Variants in DAB1 observed in about 807,000 individuals in gnomAD.
DAB1 encodes the protein DAB adaptor protein 1.
In DAB1, 15 loss-of-function variants were observed where a neutral mutation model predicts 64.6. That is an observed-to-expected ratio of 0.23 (90% CI 0.16 to 0.36). The LOEUF (loss-of-function observed/expected upper bound fraction) is 0.36, where lower values mean the gene tolerates loss of function less well. DAB1 is among the 10% of genes least tolerant of loss of function. DAB1 has a pLI of 1.00. For synonymous variants in DAB1, 235 were observed against 251.9 expected, an observed-to-expected ratio of 0.93 and a Z score of 0.64; for missense variants, 596 against 706.7, an observed-to-expected ratio of 0.84 and a Z score of 1.78.
At chr1:58,088,181 T>C (rs1650434424) in intron 5 of DAB1, among the ~76,000 whole-genome samples, 2 of 152,212 alleles carry the variant, frequency 1.3e-5, no homozygotes, top group Non-Finnish European at 2.9e-5. Flanking sequence ...AGGATTCCAG[T>C]TTCTCCCCAA....
At chr1:58,158,304 A>G (rs1027440085) in intron 4 of DAB1, among the ~76,000 whole-genome samples, 13 of 152,116 alleles carry the variant, frequency 8.5e-5, no homozygotes, top group African/African-American at 2.9e-4. Context: ...CCCAGGGGGG[A>G]AAGGCATGAA....
intron 6 of DAB1, among the ~76,000 whole-genome samples, chr1:57,748,692 A>G (rs1648401740): frequency 6.6e-6 from 1 of 152,140 alleles, no homozygotes. Flanking sequence ...GTGAGCCCCT[A>G]CCACCTTAGG....
At chr1:58,257,209 A>G (rs1051097133) in intron 4 of DAB1, among the ~76,000 whole-genome samples, 4 of 152,324 alleles carry the variant, frequency 2.6e-5, no homozygotes, top group Middle Eastern at 3.4e-3. Flanking sequence ...AAAATCTCCA[A>G]CCAAGCTGCA....
At chr1:57,790,519 C>A (rs12568292) in intron 6 of DAB1, among the ~76,000 whole-genome samples, 57,948 of 151,840 alleles carry the variant, frequency 0.38, 11,437 homozygotes, top group South Asian at 0.49. Flanking sequence ...TCCTCCAACC[C>A]CCAATATCAG....
chr1:58,070,353 T>C (rs1649155845), intron 5 of DAB1, among the ~76,000 whole-genome samples: 1 of 152,196 alleles, frequency 6.6e-6, no homozygotes, highest in African/African-American at 2.4e-5. Context: ...CTGGCAAAGA[T>C]GTCACACAGT....
intron 5 of DAB1, among the ~76,000 whole-genome samples, chr1:57,985,171 G>A (rs1346172285): frequency 6.6e-6 from 1 of 152,206 alleles, no homozygotes; most frequent in Admixed American, 6.5e-5. Flanking sequence ...GCCTCCCAAA[G>A]TGCTGGGGTC....
In DAB1 at chr1:58,518,296, A is replaced by G. The variant is rs1440874132; in HGVS notation, n.107+8965T>C. ...AGGAGAGGAGAAGAGAAGAGAAGAG[A>G]AGAGAAGAGAAGAGAAGAGAAGAGA... On this transcript the variant is annotated intron_variant and non_coding_transcript_variant, in intron 2 of 20. Transcript: ENST00000485760. 1.0e-3 allele frequency among the ~76,000 whole-genome samples: 46 copies of G among 46,152 alleles called. 1 individual carries two copies. The highest frequency in any genetic ancestry group is 0.023 in the Middle Eastern group (2 of 88). 30.3% of individuals were successfully genotyped at this position (46,152 alleles called of 152,430 possible).
chr1:57,259,857 C>T (rs933154978), intron 2 of DAB1, among the ~76,000 whole-genome samples: 1 of 152,144 alleles, frequency 6.6e-6, no homozygotes, highest in African/African-American at 2.4e-5. Flanking sequence ...TCACAGCTTT[C>T]CAGATAATTG....
intron 3 of DAB1, among the ~76,000 whole-genome samples, chr1:58,366,364 T>A (rs575856375): frequency 6.6e-6 from 1 of 152,288 alleles, no homozygotes; most frequent in South Asian, 2.1e-4. Context: ...GACTAAGGGA[T>A]CCACTAGTTA....
chr1:57,449,916 T>C (rs545736752), intron 7 of DAB1, among the ~76,000 whole-genome samples: 1 of 152,334 alleles, frequency 6.6e-6, no homozygotes, highest in East Asian at 1.9e-4. Context: ...ATTAACTATA[T>C]AGCAGGCTCT....
chr1:58,465,146 A>C (rs1258827613), intron 3 of DAB1, among the ~76,000 whole-genome samples: 1 of 152,246 alleles, frequency 6.6e-6, no homozygotes, highest in African/African-American at 2.4e-5. Context: ...GGACAGGTGC[A>C]GTCCATCAGA....
chr1:58,168,029 G>A (rs982521792), intron 4 of DAB1, among the ~76,000 whole-genome samples: 2 of 152,130 alleles, frequency 1.3e-5, no homozygotes, highest in Non-Finnish European at 1.5e-5. Context: ...ATCGACTATC[G>A]CCAAGTGGTG....
intron 1 of DAB1, among the ~76,000 whole-genome samples, chr1:57,843,374 C>G (rs1653139769): frequency 6.6e-6 from 1 of 152,156 alleles, no homozygotes; most frequent in Admixed American, 6.5e-5. Context: ...TGGTTATTAT[C>G]TAGTTGGGTG....
intron 1 of DAB1, chr1:58,530,629 C>T (rs775812966): frequency 1.1e-6 from 1 of 872,692 alleles, no homozygotes; most frequent in Non-Finnish European, 2.0e-6. Flanking sequence ...TATCCACTGG[C>T]ACAAAAGTGC....
chr1:57,356,769 A>G (rs937661457), intron 1 of DAB1, among the ~76,000 whole-genome samples: 1 of 151,918 alleles, frequency 6.6e-6, no homozygotes, highest in African/African-American at 2.4e-5. Context: ...TCTTTGGGGG[A>G]CTGATACCAT....
intron 6 of DAB1, among the ~76,000 whole-genome samples, chr1:57,692,519 G>C (rs1646776734): frequency 6.6e-6 from 1 of 151,898 alleles, no homozygotes; most frequent in Admixed American, 6.6e-5. Context: ...AGACAAAGAG[G>C]GAGTCAGAGA....
chr1:57,242,363 C>T (rs904601017), intron 2 of DAB1, among the ~76,000 whole-genome samples: 6 of 151,972 alleles, frequency 3.9e-5, no homozygotes, highest in African/African-American at 1.5e-4. Flanking sequence ...AAGGTCTTTC[C>T]TTGGGCAAAG....
intron 2 of DAB1, among the ~76,000 whole-genome samples, chr1:57,264,652 C>T (rs1487441340): frequency 6.6e-6 from 1 of 152,074 alleles, no homozygotes; most frequent in African/African-American, 2.4e-5. Flanking sequence ...AATGAGGACC[C>T]CTGAACATGA....
chr1:57,147,092 G>A (rs556588086), intron 2 of DAB1, among the ~76,000 whole-genome samples: 4 of 150,688 alleles, frequency 2.7e-5, no homozygotes, highest in South Asian at 2.1e-4. Context: ...GCACAGTGGC[G>A]CGATCACAGC....
Sources: gnomAD v4.1 joint callset for allele counts (sites outside exome capture counted in the v4.1 genomes callset) on GRCh38, gnomAD v4.1.1 for gene constraint, MANE v1.5 for transcripts, NCBI Gene and HGNC (gene_info 2026-07-23, HGNC 2026-07-21) for gene names.